LUZP2: variants seen among roughly 807,000 people sequenced by gnomAD.
LUZP2 encodes the protein leucine zipper protein 2.
A neutral mutation model predicts 51.6 loss-of-function variants in LUZP2; 52 were observed. That is an observed-to-expected ratio of 1.01 (90% CI 0.81 to 1.27). The LOEUF (loss-of-function observed/expected upper bound fraction) is 1.27. LUZP2 is among the 50% of genes most tolerant of loss of function. LUZP2 has a pLI of 0.00. For missense variants in LUZP2, 436 were observed against 395.4 expected (o/e 1.10, Z -0.87); for synonymous variants, 154 against 137.3 (o/e 1.12, Z -0.85).
intron 5 of LUZP2, among the ~76,000 whole-genome samples, chr11:24,770,843 GAA>G (rs1181080364): frequency 6.6e-6 from 1 of 152,086 alleles, no homozygotes; most frequent in Non-Finnish European, 1.5e-5. Flanking sequence ...TTGTACCTTA[GAA>G]AAAACTCTAC....
chr11:24,926,495 G>GGA (rs1854268187), intron 7 of LUZP2, among the ~76,000 whole-genome samples: 1 of 84,236 alleles, frequency 1.2e-5, no homozygotes. Flanking sequence ...ATATATATGT[G>GGA]TATATATGTG....
intron 9 of LUZP2, among the ~76,000 whole-genome samples, chr11:25,047,822 C>T (rs1858363424): frequency 1.3e-5 from 2 of 152,076 alleles, no homozygotes; most frequent in Non-Finnish European, 2.9e-5. Flanking sequence ...TCCAAGGGAC[C>T]CCTGCTTTGG....
intron 4 of LUZP2, among the ~76,000 whole-genome samples, chr11:24,739,431 G>A (rs1255957019): frequency 6.6e-6 from 1 of 152,048 alleles, no homozygotes; most frequent in Admixed American, 6.6e-5. Flanking sequence ...GTGTCTCTGG[G>A]AGGAGGACTT....
intron 5 of LUZP2, among the ~76,000 whole-genome samples, chr11:24,826,190 A>AAAAAAAAAAAAATATATATATATAT (rs1215786412): frequency 4.4e-5 from 3 of 67,534 alleles, no homozygotes; most frequent in African/African-American, 1.8e-4. Context: ...AAAAAAAAAA[A>AAAAAAAAAAAAATATATATATATAT]ATATATATAT....
chr11:25,052,130 A>C (rs56061724), intron 10 of LUZP2, among the ~76,000 whole-genome samples: 80,854 of 151,864 alleles, frequency 0.53, 22,252 homozygotes, highest in African/African-American at 0.62. Flanking sequence ...TGGAGTCTCT[A>C]CTCCTAAGAA....
chr11:24,934,216 A>G (rs970689207), intron 7 of LUZP2, among the ~76,000 whole-genome samples: 1 of 152,198 alleles, frequency 6.6e-6, no homozygotes, highest in East Asian at 1.9e-4. Context: ...GGCCATCTGG[A>G]TATATACACA....
intron 5 of LUZP2, among the ~76,000 whole-genome samples, chr11:24,814,378 T>TA (rs913609975): frequency 5.9e-5 from 9 of 152,178 alleles, no homozygotes; most frequent in East Asian, 1.9e-4. Flanking sequence ...TTTCTACCAC[T>TA]AAAAAAGAGA....
chr11:24,510,076 G>T (rs1179726247), intron 1 of LUZP2, among the ~76,000 whole-genome samples: 1 of 152,120 alleles, frequency 6.6e-6, no homozygotes, highest in Admixed American at 6.6e-5. Context: ...TAGATGGAGA[G>T]AATTTTAGTA....
chr11:24,661,296 T>C (rs1856012796), intron 1 of LUZP2, among the ~76,000 whole-genome samples: 1 of 152,242 alleles, frequency 6.6e-6, no homozygotes, highest in Non-Finnish European at 1.5e-5. Context: ...CATCTTGAGC[T>C]ATTCTGCCTC....
At chr11:24,864,388 A>G (rs531245068) in intron 5 of LUZP2, among the ~76,000 whole-genome samples, 2 of 152,234 alleles carry the variant, frequency 1.3e-5, no homozygotes, top group Admixed American at 6.5e-5. Flanking sequence ...TAGTATTTAT[A>G]GTGTTTATAA....
intron 1 of LUZP2, among the ~76,000 whole-genome samples, chr11:24,577,087 T>C (rs972163550): frequency 3.9e-5 from 6 of 152,034 alleles, no homozygotes; most frequent in Non-Finnish European, 8.8e-5. Flanking sequence ...TACTTAAATT[T>C]GCCTCTTGAA....
chr11:24,571,289 G>T (rs549588087), intron 1 of LUZP2, among the ~76,000 whole-genome samples: 50 of 67,194 alleles, frequency 7.4e-4, no homozygotes, highest in African/African-American at 3.5e-3. Context: ...GGCTGTGGAA[G>T]ATGTTGCTAA....
intron 7 of LUZP2, among the ~76,000 whole-genome samples, chr11:24,965,521 C>A (rs1855554766): frequency 6.6e-6 from 1 of 151,606 alleles, no homozygotes; most frequent in South Asian, 2.1e-4. Context: ...GTTTTTGAAG[C>A]ATTCTCTGGG....
intron 10 of LUZP2, among the ~76,000 whole-genome samples, chr11:25,066,578 T>C (rs1859002254): frequency 6.6e-6 from 1 of 151,996 alleles, no homozygotes; most frequent in South Asian, 2.1e-4. Context: ...GCTAAATTCA[T>C]GCTTTATTCT....
At chr11:25,035,767 A>G (rs1857837756) in intron 9 of LUZP2, among the ~76,000 whole-genome samples, 1 of 152,100 alleles carries the variant, frequency 6.6e-6, no homozygotes, top group African/African-American at 2.4e-5. Flanking sequence ...GGTGAGTCAC[A>G]TTTATTGATT....
chr11:24,700,653 G>T (rs1177542819), intron 1 of LUZP2, among the ~76,000 whole-genome samples: 2 of 151,716 alleles, frequency 1.3e-5, no homozygotes, highest in East Asian at 3.9e-4. Flanking sequence ...CCGTAATTTT[G>T]TTTTTTGTGA....
chr11:24,735,155 T>C lies in LUZP2; in HGVS notation c.251+2967T>C, dbSNP rs148391094. Among the ~76,000 whole-genome samples the C allele has an allele frequency of 4.1e-3, 617 of 151,954 alleles. 1 individual carries two copies. The highest frequency in any genetic ancestry group is 0.014 in the African/African-American group (566 of 41,476). ...ACAACTATGTGGAGAGAAAGTAGAG[T>C]GTCTTTCTAGCAAGACAAACAGAGA... is the stretch of plus-strand genomic sequence containing the variant. On this transcript the variant is annotated intron_variant, in intron 3 of 11. Coordinates refer to ENST00000336930, the MANE Select transcript of LUZP2 (RefSeq NM_001009909.4).
chr11:24,696,504 T>G (rs890043442), intron 1 of LUZP2, among the ~76,000 whole-genome samples: 12 of 152,158 alleles, frequency 7.9e-5, no homozygotes, highest in African/African-American at 2.7e-4. Flanking sequence ...ATTGTATCTT[T>G]CATTCCTCTC....
At chr11:24,608,795 T>C (rs1368733306) in intron 1 of LUZP2, among the ~76,000 whole-genome samples, 1 of 152,212 alleles carries the variant, frequency 6.6e-6, no homozygotes, top group African/African-American at 2.4e-5. Flanking sequence ...TTCAGTATGA[T>C]ACAATTATCT....
Sources: allele counts gnomAD v4.1 joint callset (sites outside exome capture counted in the v4.1 genomes callset), GRCh38; gene constraint gnomAD v4.1.1; transcripts MANE v1.5; gene names NCBI Gene and HGNC (gene_info 2026-07-23, HGNC 2026-07-21).